The following SLC67A2 variants were observed in gnomAD, a reference collection of about 807,000 sequenced individuals.
The protein encoded by SLC67A2 is solute carrier family 67 member A2.
the SLC67A2 span, chr2:102,736,545 T>G: frequency 3.1e-6 from 5 of 1,606,694 alleles, no homozygotes; most frequent in Admixed American, 8.5e-5. Context: ...GGACTGCGGG[T>G]TCCCACTCCC....
chr2:102,734,664 T>A, the SLC67A2 span, among the ~76,000 whole-genome samples: 19 of 152,136 alleles, frequency 1.2e-4, no homozygotes, highest in Non-Finnish European at 2.5e-4. Flanking sequence ...TATTTTCCAT[T>A]AAAAAAATCC....
At chr2:102,722,665 A>G in the SLC67A2 span, among the ~76,000 whole-genome samples, 1 of 152,322 alleles carries the variant, frequency 6.6e-6, no homozygotes, top group South Asian at 2.1e-4. Context: ...AAAGACAAAC[A>G]TAAGACCTGA....
chr2:102,732,575 A>G, the SLC67A2 span: 1 of 584,452 alleles, frequency 1.7e-6, no homozygotes, highest in Non-Finnish European at 3.0e-6. Flanking sequence ...GCCACTTGCA[A>G]ATGCCTGGAT....
the SLC67A2 span, among the ~76,000 whole-genome samples, chr2:102,728,888 T>C: frequency 1.3e-5 from 2 of 152,178 alleles, no homozygotes; most frequent in Non-Finnish European, 2.9e-5. Flanking sequence ...TAAAGACCCA[T>C]AACCACCCTT....
chr2:102,728,230 T>G, the SLC67A2 span, among the ~76,000 whole-genome samples: 1 of 152,216 alleles, frequency 6.6e-6, no homozygotes, highest in Non-Finnish European at 1.5e-5. Context: ...CCCCATGCTG[T>G]GTGAAACCCT....
the SLC67A2 span, among the ~76,000 whole-genome samples, chr2:102,736,117 G>A: frequency 6.6e-6 from 1 of 152,106 alleles, no homozygotes; most frequent in Non-Finnish European, 1.5e-5. Flanking sequence ...TTGTCGAAAG[G>A]CAGATGGGTA....
chr2:102,730,843 C>A, the SLC67A2 span, among the ~76,000 whole-genome samples: 5 of 152,214 alleles, frequency 3.3e-5, no homozygotes, highest in Middle Eastern at 6.3e-3. Context: ...GCCACCGCGC[C>A]CAGCCTAAAA....
chr2:102,716,826 A>T, the SLC67A2 span: 1 of 152,206 alleles, frequency 6.6e-6, no homozygotes, highest in South Asian at 2.1e-4. Flanking sequence ...TAAGTAACTG[A>T]TTAATACTTG....
At chr2:102,732,857 A>C in the SLC67A2 span, among the ~76,000 whole-genome samples, 1 of 152,232 alleles carries the variant, frequency 6.6e-6, no homozygotes, top group Admixed American at 6.5e-5. Context: ...AAGAAGGAAG[A>C]AGCTGGTGCA....
the SLC67A2 span, among the ~76,000 whole-genome samples, chr2:102,735,846 G>GCGCACA: frequency 0.13 from 19,401 of 149,610 alleles, 1,470 homozygotes; most frequent in East Asian, 0.18. Context: ...ACGCGCGCGC[G>GCGCACA]CACACACACA....
chr2:102,727,271 C>T, the SLC67A2 span, among the ~76,000 whole-genome samples: 7 of 152,122 alleles, frequency 4.6e-5, no homozygotes, highest in South Asian at 1.2e-3. Context: ...TATAAAGCCT[C>T]ATTATTGTCT....
At chr2:102,722,697 C>G in the SLC67A2 span, among the ~76,000 whole-genome samples, 28 of 151,984 alleles carry the variant, frequency 1.8e-4, no homozygotes, top group Admixed American at 1.8e-3. Flanking sequence ...AAGGTAGAAG[C>G]TTCTTGAAAT....
the SLC67A2 span, chr2:102,723,671 A>T: frequency 2.0e-5 from 32 of 1,603,102 alleles, no homozygotes; most frequent in African/African-American, 2.4e-4. Flanking sequence ...TGAATACACA[A>T]AACAATCTTC....
chr2:102,736,382 C>T, the SLC67A2 span: 16 of 825,222 alleles, frequency 1.9e-5, no homozygotes, highest in African/African-American at 2.4e-4. Context: ...AGGTTGGTAC[C>T]AGGGCTTCTC....
the SLC67A2 span, chr2:102,718,973 A>C: frequency 6.2e-7 from 1 of 1,614,246 alleles, no homozygotes; most frequent in South Asian, 1.1e-5. Context: ...CAGCAAGCGC[A>C]CCAGAAATAT....
the SLC67A2 span, chr2:102,726,957 T>C: frequency 6.2e-7 from 1 of 1,612,862 alleles, no homozygotes; most frequent in African/African-American, 1.3e-5. Flanking sequence ...GTCTTCCCAC[T>C]ACATCGCTCC....
the SLC67A2 span, chr2:102,726,816 G>GAAAAAAAAA: frequency 1.5e-6 from 2 of 1,303,606 alleles, no homozygotes; most frequent in Non-Finnish European, 2.0e-6. Context: ...AGCTACGTTT[G>GAAAAAAAAA]AAAAAAAAAA....
the SLC67A2 span, chr2:102,726,938 AG>A: frequency 6.2e-7 from 1 of 1,613,830 alleles, no homozygotes; most frequent in Non-Finnish European, 8.5e-7. Flanking sequence ...CATGCCAGCA[AG>A]GAAGACCGTC....
chr2:102,718,976 A>G, the SLC67A2 span: 1 of 1,614,268 alleles, frequency 6.2e-7, no homozygotes. Context: ...CAAGCGCACC[A>G]GAAATATGTC....
Sources: allele counts gnomAD v4.1 joint callset (sites outside exome capture counted in the v4.1 genomes callset), GRCh38; gene constraint gnomAD v4.1.1; transcripts MANE v1.5; gene names NCBI Gene and HGNC (gene_info 2026-07-23, HGNC 2026-07-21).